The following TMEM179 variants were observed in gnomAD, a reference collection of about 807,000 sequenced individuals.
TMEM179 encodes the protein transmembrane protein 179, also known as transmembrane protein 179A.
A neutral mutation model predicts 22.2 loss-of-function variants in TMEM179; 17 were observed. That is an observed-to-expected ratio of 0.77 (90% CI 0.52 to 1.15). The LOEUF (loss-of-function observed/expected upper bound fraction) is 1.15, where lower values mean the gene tolerates loss of function less well. Among genes scored for constraint, TMEM179 ranks in the 50% most tolerant of loss-of-function variants. The probability of loss-of-function intolerance (pLI) is 0.00; values close to 1 mark genes in which losing one functional copy is unlikely to be tolerated. For synonymous variants in TMEM179, 127 were observed against 140.5 expected, an observed-to-expected ratio of 0.90 and a Z score of 0.68; for missense variants, 265 against 313.6, an observed-to-expected ratio of 0.84 and a Z score of 1.17.
chr14:104,595,776 A>C lies in TMEM179; in HGVS notation c.444-533T>G, dbSNP rs1887001892. 6.6e-6 allele frequency among the ~76,000 whole-genome samples: 1 copy of C among 152,220 alleles called. No homozygotes were observed. Among genetic ancestry groups the C allele is most frequent in the South Asian group, 2.1e-4 (1 of 4,834 alleles). ...CCCCCATCACGGAGGCATCTGTGGAAGCAGTGGGCATCAGAGGGCCCAGGA... is the reference window on the plus strand; with the variant it reads ...CCCCCATCACGGAGGCATCTGTGGACGCAGTGGGCATCAGAGGGCCCAGGA... On this transcript the variant is annotated intron_variant, in intron 2 of 3. Coordinates refer to ENST00000556573, the MANE Select transcript of TMEM179 (RefSeq NM_001286389.2). The surrounding 1 kb of genome is among the most constrained non-coding windows in gnomAD (Gnocchi z 5.7).
At position 104,595,965 on chromosome 14, in the gene TMEM179, CTT is replaced by C. The variant is rs558266796; in HGVS notation, c.444-724_444-723del. On this transcript the variant is annotated intron_variant, in intron 2 of 3. Coordinates refer to ENST00000556573, the MANE Select transcript of TMEM179 (RefSeq NM_001286389.2). This position sits in a 1 kb window ranked among gnomAD's most constrained non-coding sequence, Gnocchi z 5.7. ...AACAGTGTCTGTGAGGCCAAGGAAA[CTT>C]TGCGTGTGTACCAGAGGTTGCCCAC... Among the ~76,000 whole-genome samples, 1,109 of 152,368 alleles carry C rather than the reference CTT, an allele frequency of 7.3e-3. 7 individuals carry two copies. The highest frequency in any genetic ancestry group is 0.014 in the Admixed American group (219 of 15,310).
intron 2 of TMEM179, among the ~76,000 whole-genome samples, chr14:104,596,774 G>A (rs1425171852): frequency 6.6e-6 from 1 of 152,186 alleles, no homozygotes; most frequent in Non-Finnish European, 1.5e-5. Flanking sequence ...GTGTGATGCT[G>A]CCGGCTCCTA....
chr14:104,604,193 G>A lies in TMEM179; in HGVS notation c.305+244C>T, dbSNP rs1887338923. On this transcript the variant is annotated intron_variant, in intron 1 of 3. Transcript: ENST00000556573. The surrounding 1 kb of genome is among the most constrained non-coding windows in gnomAD (Gnocchi z 4.6). ...AGGGAGCAGATGCCCGGAAGCGGGA[G>A]GTGATGCGCAGCTGGGGAGGGGAGG... 2.0e-5 allele frequency among the ~76,000 whole-genome samples: 3 copies of A among 152,238 alleles called. No individual in the cohort carries two copies. The South Asian group carries it at 6.2e-4, about 31-fold the overall frequency.
rs1203081744 is a variant in TMEM179 at position 104,604,590 on chromosome 14, T to C, written c.152A>G (p.Asn51Ser). ...LFTEGMWLSANLTVQERERFT... is the reference protein window; with the variant it reads ...LFTEGMWLSASLTVQERERFT... Reference sequence around the variant, plus strand: ...GCGCTCGCGCTCCTGCACCGTGAGGTTGGCGCTCAGCCACATGCCCTCGGT... The same window carrying C: ...GCGCTCGCGCTCCTGCACCGTGAGGCTGGCGCTCAGCCACATGCCCTCGGT... Residue 51 changes from asparagine (N) to serine (S), a missense_variant, in exon 1 of 4, where the codon AAC (asparagine) becomes AGC (serine). Physicochemically the swap from Asn to Ser is conservative, Grantham distance 46. Transcript: ENST00000556573. The surrounding 1 kb of genome is among the most constrained non-coding windows in gnomAD (Gnocchi z 4.6). 1.3e-6 allele frequency: 2 copies of C among 1,548,642 alleles called. No individual in the cohort carries two copies. Among genetic ancestry groups the C allele is most frequent in the Non-Finnish European group, 1.7e-6 (2 of 1,151,082 alleles).
chr14:104,592,544 AGT>A lies in TMEM179; in HGVS notation c.*933_*934del, dbSNP rs1886883263. 6.5e-6 allele frequency: 1 copy of A among 154,488 alleles called. No individual in the cohort carries two copies. The highest frequency in any genetic ancestry group is 1.8e-4 in the South Asian group (1 of 5,620). The allele number at this position is 154,488 out of a possible 1,614,324, so 9.6% of individuals were successfully genotyped here. A position where few individuals can be genotyped will look rare whatever the true frequency, so the allele number is the denominator to read the frequency against. The stretch of plus-strand genomic sequence containing the variant: ...CATGCACACTCATATCCTCCCATGC[AGT>A]CACACACTCTCACATGCAGTCACAC... On this transcript the variant is annotated 3_prime_UTR_variant, in exon 4 of 4. Coordinates refer to ENST00000556573, the MANE Select transcript of TMEM179 (RefSeq NM_001286389.2).
At chr14:104,593,684 A>G in intron 3 of TMEM179, 26 bp from the exon 4 acceptor site, 1 of 1,447,538 alleles carries the variant, frequency 6.9e-7, no homozygotes, top group Non-Finnish European at 9.1e-7. Flanking sequence ...GGTCAGGGTC[A>G]GAAGCCGTTG....
At chr14:104,603,246 CA>C (rs1887298525) in intron 1 of TMEM179, among the ~76,000 whole-genome samples, 1 of 152,200 alleles carries the variant, frequency 6.6e-6, no homozygotes, top group Non-Finnish European at 1.5e-5. Flanking sequence ...CTCTCTCAGC[CA>C]AAACCAAGCG....
intron 3 of TMEM179, chr14:104,594,002 G>A (rs1350606843): frequency 9.2e-6 from 11 of 1,198,444 alleles, no homozygotes; most frequent in South Asian, 4.2e-5. Flanking sequence ...CAGCAGCTCC[G>A]GCCTGTCGGC....
chr14:104,597,029 C>T lies in TMEM179; in HGVS notation c.404G>A (p.Trp135Ter). Residue 135 changes from tryptophan to a stop codon, truncating the protein, a stop_gained, in exon 2 of 4, where the codon TGG (tryptophan) becomes TAG (stop). Transcript: ENST00000556573. LOFTEE classifies it high-confidence loss of function. The surrounding 1 kb of genome is among the most constrained non-coding windows in gnomAD (Gnocchi z 4.8). ...STIVSVGFTM[W>*]CDTITEKGTV... Reference sequence around the variant, plus strand: ...GCCCTTCTCGGTGATGGTGTCGCACCACATGGTGAAGCCCACGCTCACGAT... The same window carrying T: ...GCCCTTCTCGGTGATGGTGTCGCACTACATGGTGAAGCCCACGCTCACGAT... 1 of 1,610,162 alleles carries T rather than the reference C, an allele frequency of 6.2e-7. No individual in the cohort carries two copies. Among genetic ancestry groups the T allele is most frequent in the Non-Finnish European group, 8.5e-7 (1 of 1,179,210 alleles).
intron 2 of TMEM179, among the ~76,000 whole-genome samples, chr14:104,596,480 G>T (rs1486039870): frequency 6.6e-6 from 1 of 152,196 alleles, no homozygotes; most frequent in East Asian, 1.9e-4. Flanking sequence ...CTCTGCTCCT[G>T]TTCTTCACCA....
chr14:104,593,526 G>T lies in TMEM179; in HGVS notation c.655C>A (p.Pro219Thr), dbSNP rs1233720011. 6.5e-7 allele frequency: 1 copy of T among 1,535,510 alleles called. No individual in the cohort carries two copies. The highest frequency in any genetic ancestry group is 8.7e-7 in the Non-Finnish European group (1 of 1,146,590). Residue 219 changes from proline (P) to threonine (T), a missense_variant, in exon 4 of 4, where the codon CCG becomes ACG. Physicochemically the swap from Pro to Thr is conservative, Grantham distance 38. Coordinates refer to ENST00000556573, the MANE Select transcript of TMEM179 (RefSeq NM_001286389.2). ...IHEKELLLAR[P>T]SPRTSFQEEK... ...TCTTGGAAGGAGGTGCGTGGGGACGGCCGGGCCAGCAGCAGCTCCTTCTCG... is the reference window on the plus strand; with the variant it reads ...TCTTGGAAGGAGGTGCGTGGGGACGTCCGGGCCAGCAGCAGCTCCTTCTCG...
chr14:104,604,447 C>G lies in TMEM179; in HGVS notation c.295G>C (p.Gly99Arg). 6.3e-7 allele frequency: 1 copy of G among 1,575,918 alleles called. No homozygotes were observed. Among genetic ancestry groups the G allele is most frequent in the Non-Finnish European group, 8.6e-7 (1 of 1,166,676 alleles). Residue 99 changes from glycine (G) to arginine (R), a missense_variant, in exon 1 of 4, where the codon GGA (glycine) becomes CGA (arginine). Coordinates refer to ENST00000556573, the MANE Select transcript of TMEM179 (RefSeq NM_001286389.2). The surrounding 1 kb of genome is among the most constrained non-coding windows in gnomAD (Gnocchi z 4.6). ...AWRTLFFLCK[G>R]HEGSFFSAFL... ...GCGGCCCCCACTTACCCCTCGTGTC[C>G]CTTGCAGAGGAAGAAGAGCGTGCGC...
At chr14:104,599,426 T>A (rs749931057) in intron 1 of TMEM179, among the ~76,000 whole-genome samples, 1 of 152,094 alleles carries the variant, frequency 6.6e-6, no homozygotes, top group Non-Finnish European at 1.5e-5. Flanking sequence ...TAGCCAGGGA[T>A]GGGGACAGCA....
chr14:104,593,494 C>T lies in TMEM179; in HGVS notation c.687G>A (p.Lys229=), dbSNP rs1371828105. 2.6e-6 allele frequency: 4 copies of T among 1,535,930 alleles called. No individual in the cohort carries two copies. Among genetic ancestry groups the T allele is most frequent in the South Asian group, 1.2e-5 (1 of 84,060 alleles). The part of the protein sequence containing the change: ...PSPRTSFQEE[K]SAVI ...TGCACTGTGCCTAAATGACAGCGCT[C>T]TTCTCCTCTTGGAAGGAGGTGCGTG... The change falls in exon 4 of 4, where the codon AAG becomes AAA. Residue 229 remains lysine (K), a synonymous_variant. Coordinates refer to ENST00000556573, the MANE Select transcript of TMEM179 (RefSeq NM_001286389.2).
At chr14:104,596,544 G>A (rs1024416360) in intron 2 of TMEM179, among the ~76,000 whole-genome samples, 4 of 152,178 alleles carry the variant, frequency 2.6e-5, no homozygotes, top group African/African-American at 9.7e-5. Flanking sequence ...CCAAAGCCCT[G>A]AGCCTAATGC....
In TMEM179 at chr14:104,597,917, G is replaced by A. The variant is rs113154948; in HGVS notation, c.306-790C>T. Among the ~76,000 whole-genome samples the A allele has an allele frequency of 0.011, 1,713 of 152,308 alleles. 28 individuals carry two copies. Among genetic ancestry groups the A allele is most frequent in the African/African-American group, 0.036 (1,501 of 41,566 alleles). On this transcript the variant is annotated intron_variant, in intron 1 of 3. Coordinates refer to ENST00000556573, the MANE Select transcript of TMEM179 (RefSeq NM_001286389.2). This position sits in a 1 kb window ranked among gnomAD's most constrained non-coding sequence, Gnocchi z 4.8. ...CTGTGATTGGGCCCATCTGACCAGGGCCAGAGCATGGGGAGCGCAGGAGGC... is the reference window on the plus strand; with the variant it reads ...CTGTGATTGGGCCCATCTGACCAGGACCAGAGCATGGGGAGCGCAGGAGGC...
intron 1 of TMEM179, among the ~76,000 whole-genome samples, chr14:104,598,290 C>G (rs1038464107): frequency 2.0e-5 from 3 of 152,188 alleles, no homozygotes; most frequent in African/African-American, 7.2e-5. Context: ...GGGCGGACAC[C>G]AGCACTAGCA....
chr14:104,599,087 G>T (rs1278665351), intron 1 of TMEM179, among the ~76,000 whole-genome samples: 3 of 152,186 alleles, frequency 2.0e-5, no homozygotes, highest in Non-Finnish European at 2.9e-5. Flanking sequence ...CGCCAGGATG[G>T]GTGTGGGGCC....
chr14:104,604,092 G>A lies in TMEM179; in HGVS notation c.305+345C>T, dbSNP rs541524626. ...GGGCTGGGAGTTGTCGCCGGTCCTG[G>A]CGAGTGTGGCCCGGCTGAGCCCGCC... On this transcript the variant is annotated intron_variant, in intron 1 of 3. Coordinates refer to ENST00000556573, the MANE Select transcript of TMEM179 (RefSeq NM_001286389.2). This position sits in a 1 kb window ranked among gnomAD's most constrained non-coding sequence, Gnocchi z 4.6. Among the ~76,000 whole-genome samples, 1 of 152,338 alleles carries A rather than the reference G, an allele frequency of 6.6e-6. No individual in the cohort carries two copies. The highest frequency in any genetic ancestry group is 6.5e-5 in the Admixed American group (1 of 15,306).
Sources: gnomAD v4.1 joint callset for allele counts (sites outside exome capture counted in the v4.1 genomes callset) on GRCh38, gnomAD v4.1.1 for gene constraint, Gnocchi (gnomAD v3.1) non-coding constraint, MANE v1.5 for transcripts, NCBI Gene and HGNC (gene_info 2026-07-23, HGNC 2026-07-21) for gene names.